Variants in ADCY8 observed in about 807,000 individuals in gnomAD.
ADCY8 encodes the protein adenylate cyclase 8, also known as adenylate cyclase type 8.
Under a neutral mutation model 119.7 loss-of-function variants are expected in ADCY8, and 51 were observed. That is an observed-to-expected ratio of 0.43 (90% confidence interval 0.34 to 0.54). The LOEUF is 0.54. ADCY8 is among the 20% of genes least tolerant of loss of function. The pLI, the probability that ADCY8 is intolerant of heterozygous loss-of-function variation, is 0.03. For synonymous variants in ADCY8, 665 were observed against 651.0 expected (o/e 1.02, Z -0.33); for missense variants, 1,383 against 1,598.8 (o/e 0.87, Z 2.30).
At chr8:130,787,005 G>T (rs919885486) in intron 15 of ADCY8, among the ~76,000 whole-genome samples, 3 of 152,160 alleles carry the variant, frequency 2.0e-5, no homozygotes, top group African/African-American at 7.2e-5. Context: ...GAGGTCCAAA[G>T]AGTGAAGACG....
intron 13 of ADCY8, 38 bp from the exon 14 acceptor site, chr8:130,814,265 ACTT>A: frequency 6.2e-7 from 1 of 1,608,582 alleles, no homozygotes; most frequent in East Asian, 2.2e-5. Context: ...AATGAGGTAA[ACTT>A]CTGAGGTGTA....
chr8:130,805,157 A>G lies in ADCY8; in HGVS notation c.2914-4585T>C, dbSNP rs112858535. ...TTAGCTACTTTTTTGAGCACTTACTATGTGCCAAGCACAATGCAAAAGATT... is the reference window on the plus strand; with the variant it reads ...TTAGCTACTTTTTTGAGCACTTACTGTGTGCCAAGCACAATGCAAAAGATT... On this transcript the variant is annotated intron_variant, in intron 14 of 17. Coordinates refer to ENST00000286355, the MANE Select transcript of ADCY8 (RefSeq NM_001115.3). Among the ~76,000 whole-genome samples the G allele has an allele frequency of 3.3e-3, 509 of 152,300 alleles. 1 individual carries two copies. The highest frequency in any genetic ancestry group is 4.2e-3 in the Non-Finnish European group (285 of 68,030).
chr8:130,783,481 G>A (rs1419980749), intron 17 of ADCY8, among the ~76,000 whole-genome samples: 1 of 152,200 alleles, frequency 6.6e-6, no homozygotes, highest in Non-Finnish European at 1.5e-5. Flanking sequence ...CTGCACACAA[G>A]CCAGTATCCT....
intron 14 of ADCY8, among the ~76,000 whole-genome samples, chr8:130,810,332 C>A (rs1339209378): frequency 2.8e-5 from 4 of 144,420 alleles, no homozygotes. Context: ...ATGACTCTGT[C>A]TTTCTCTCTT....
At chr8:130,889,498 G>A (rs1819108909) in intron 7 of ADCY8, among the ~76,000 whole-genome samples, 1 of 152,048 alleles carries the variant, frequency 6.6e-6, no homozygotes, top group African/African-American at 2.4e-5. Context: ...ATGTTTCATG[G>A]AATGCTATTT....
intron 6 of ADCY8, among the ~76,000 whole-genome samples, chr8:130,908,127 G>C (rs1355303056): frequency 1.3e-5 from 2 of 151,996 alleles, no homozygotes; most frequent in African/African-American, 4.8e-5. Context: ...ATTTAAACTT[G>C]GTCACTCTTC....
chr8:131,001,174 C>A (rs528262075), intron 1 of ADCY8, among the ~76,000 whole-genome samples: 1 of 152,038 alleles, frequency 6.6e-6, no homozygotes. Flanking sequence ...AATTCTGGAG[C>A]GGTGATTACC....
intron 3 of ADCY8, among the ~76,000 whole-genome samples, chr8:130,945,065 C>T (rs1221723934): frequency 6.6e-6 from 1 of 152,102 alleles, no homozygotes; most frequent in East Asian, 1.9e-4. Flanking sequence ...AGGATGGATG[C>T]TCTGAGCAGA....
In ADCY8 at chr8:130,841,600, C is replaced by A. The variant is rs371438793; in HGVS notation, c.2503-5151G>T. Among the ~76,000 whole-genome samples, 694 of 152,278 alleles carry A rather than the reference C, an allele frequency of 4.6e-3. 4 individuals carry two copies. The highest frequency in any genetic ancestry group is 0.034 in the Middle Eastern group (10 of 294). ...ATGAATTGCCTTGGCAATATATGCA[C>A]AATTTACTCTTAGAAGAGGAGGAAG... On this transcript the variant is annotated intron_variant, in intron 11 of 17. Transcript: ENST00000286355.
chr8:130,959,902 C>T (rs1821546806), intron 2 of ADCY8, among the ~76,000 whole-genome samples: 2 of 152,112 alleles, frequency 1.3e-5, no homozygotes, highest in Admixed American at 6.5e-5. Context: ...GGGTGTTTAT[C>T]TCGAGAGTTA....
At chr8:131,000,134 A>T (rs974302743) in intron 1 of ADCY8, among the ~76,000 whole-genome samples, 1 of 152,162 alleles carries the variant, frequency 6.6e-6, no homozygotes, top group African/African-American at 2.4e-5. Context: ...GGAGCTTGGG[A>T]TCAGAGAAGT....
chr8:130,986,946 T>C (rs1822419191), intron 2 of ADCY8, among the ~76,000 whole-genome samples: 1 of 152,206 alleles, frequency 6.6e-6, no homozygotes, highest in Admixed American at 6.5e-5. Flanking sequence ...TAATAGGTCA[T>C]ACGTATCTTG....
At chr8:130,944,350 T>C (rs1380843057) in intron 3 of ADCY8, among the ~76,000 whole-genome samples, 2 of 152,236 alleles carry the variant, frequency 1.3e-5, no homozygotes, top group Admixed American at 1.3e-4. Context: ...CAAAACAGGA[T>C]ACCATATTTG....
At chr8:130,928,802 C>T (rs931866443) in intron 5 of ADCY8, among the ~76,000 whole-genome samples, 3 of 152,104 alleles carry the variant, frequency 2.0e-5, no homozygotes, top group African/African-American at 7.2e-5. Context: ...TGATGCTAGC[C>T]TCATAAAATG....
chr8:130,943,158 C>T (rs909234504), intron 4 of ADCY8, 193 bp downstream of exon 4: 3 of 476,512 alleles, frequency 6.3e-6, no homozygotes, highest in Non-Finnish European at 1.1e-5. Flanking sequence ...ATTAATCTGA[C>T]AAACCTCCTG....
At chr8:130,955,860 C>T (rs1451240242) in intron 2 of ADCY8, among the ~76,000 whole-genome samples, 5 of 152,230 alleles carry the variant, frequency 3.3e-5, no homozygotes, top group African/African-American at 1.2e-4. Flanking sequence ...ATGTGTAGAG[C>T]CAGGCCGAGT....
intron 2 of ADCY8, among the ~76,000 whole-genome samples, chr8:130,990,069 G>A (rs1033723498): frequency 1.3e-5 from 2 of 152,184 alleles, no homozygotes; most frequent in African/African-American, 4.8e-5. Flanking sequence ...AAAAGAAAGA[G>A]GGTCAAAGAT....
chr8:130,787,117 C>T (rs1586410766), intron 15 of ADCY8, among the ~76,000 whole-genome samples: 2 of 152,204 alleles, frequency 1.3e-5, no homozygotes, highest in Middle Eastern at 6.8e-3. Flanking sequence ...GGAGGACACA[C>T]AGATGATATT....
chr8:130,849,094 A>T (rs1221398665), intron 10 of ADCY8, among the ~76,000 whole-genome samples: 2 of 152,128 alleles, frequency 1.3e-5, no homozygotes, highest in Non-Finnish European at 2.9e-5. Context: ...CCAGAGATAC[A>T]ATTTAGCATA....
Sources: allele counts gnomAD v4.1 joint callset (sites outside exome capture counted in the v4.1 genomes callset), GRCh38; gene constraint gnomAD v4.1.1; transcripts MANE v1.5; gene names NCBI Gene and HGNC (gene_info 2026-07-23, HGNC 2026-07-21).